The following KCNH5 variants were observed in gnomAD, a reference collection of about 807,000 sequenced individuals.
The protein encoded by KCNH5 is voltage-gated delayed rectifier potassium channel KCNH5.
In KCNH5, 46 loss-of-function variants were observed where a neutral mutation model predicts 96.1. That is an observed-to-expected ratio of 0.48 (90% CI 0.38 to 0.61). The LOEUF (loss-of-function observed/expected upper bound fraction) is 0.61, where lower values mean the gene tolerates loss of function less well. KCNH5 is among the 20% of genes least tolerant of loss of function. The probability of loss-of-function intolerance (pLI) is 0.00; values close to 1 mark genes in which losing one functional copy is unlikely to be tolerated. For missense variants in KCNH5, 907 were observed against 1,225.8 expected (o/e 0.74, Z 3.88); for synonymous variants, 439 against 449.8 (o/e 0.98, Z 0.30).
chr14:62,933,367 A>C (rs1566713103), intron 7 of KCNH5, among the ~76,000 whole-genome samples: 2 of 152,168 alleles, frequency 1.3e-5, no homozygotes, highest in Non-Finnish European at 2.9e-5. Context: ...ATAATAATGA[A>C]AACAGCTATT....
rs141894785 is a variant in KCNH5, at chr14:62,936,854, G to A, written c.1369+13279C>T. ...ACATTAGCCAGGCGTGGTGGCACAT[G>A]CCTGTAATCCCAGCTACTCAGGAGG... On this transcript the variant is annotated intron_variant, in intron 7 of 10. Transcript: ENST00000322893. 3.9e-3 allele frequency among the ~76,000 whole-genome samples: 588 copies of A among 151,794 alleles called. 3 individuals are homozygous for A. The highest frequency in any genetic ancestry group is 0.013 in the African/African-American group (530 of 41,408).
chr14:62,951,405 T>A (rs889414278), intron 6 of KCNH5, among the ~76,000 whole-genome samples: 1 of 152,182 alleles, frequency 6.6e-6, no homozygotes, highest in Non-Finnish European at 1.5e-5. Flanking sequence ...ATAAGTTCAT[T>A]CCTGATGCAG....
At chr14:62,924,555 A>T (rs1268744783) in intron 7 of KCNH5, among the ~76,000 whole-genome samples, 1 of 152,026 alleles carries the variant, frequency 6.6e-6, no homozygotes, top group African/African-American at 2.4e-5. Flanking sequence ...AATAGCCAAG[A>T]TATGGAATCA....
At chr14:62,775,983 G>T (rs1174683416) in intron 10 of KCNH5, among the ~76,000 whole-genome samples, 1 of 152,094 alleles carries the variant, frequency 6.6e-6, no homozygotes, top group Non-Finnish European at 1.5e-5. Flanking sequence ...AGGTAATAAA[G>T]TTGGGGCCAG....
chr14:62,853,368 TA>T (rs1191548243), intron 7 of KCNH5, among the ~76,000 whole-genome samples: 1 of 148,774 alleles, frequency 6.7e-6, no homozygotes, highest in Admixed American at 6.7e-5. Context: ...TAAAAAAGTA[TA>T]AAAAAAGAGT....
At chr14:62,843,440 C>G (rs1887626468) in intron 8 of KCNH5, among the ~76,000 whole-genome samples, 1 of 115,766 alleles carries the variant, frequency 8.6e-6, no homozygotes, top group South Asian at 2.9e-4. Flanking sequence ...TTGACAGTAT[C>G]TCACTCTGTT....
At chr14:62,996,407 A>G (rs907322088) in intron 4 of KCNH5, among the ~76,000 whole-genome samples, 3 of 152,208 alleles carry the variant, frequency 2.0e-5, no homozygotes, top group African/African-American at 7.2e-5. Context: ...CTGGCACTGG[A>G]AAGAGACCTT....
intron 1 of KCNH5, among the ~76,000 whole-genome samples, chr14:63,030,303 A>G (rs1891600986): frequency 6.6e-6 from 1 of 152,210 alleles, no homozygotes; most frequent in Non-Finnish European, 1.5e-5. Flanking sequence ...CCCCACCAGG[A>G]GGCAAGGATT....
intron 7 of KCNH5, among the ~76,000 whole-genome samples, chr14:62,923,429 C>T (rs971263871): frequency 1.3e-5 from 2 of 151,954 alleles, no homozygotes; most frequent in African/African-American, 4.8e-5. Flanking sequence ...CAATTCCTAT[C>T]AAGATTCCAA....
Position 62,725,022 on chromosome 14 carries a change from T to C in KCNH5, c.2020-16567A>G, listed in dbSNP as rs552401987. Among the ~76,000 whole-genome samples, 16 of 152,314 alleles carry C rather than the reference T, an allele frequency of 1.1e-4. No homozygotes were observed. The South Asian group carries it at 2.3e-3, about 22-fold the overall frequency. On this transcript the variant is annotated intron_variant, in intron 10 of 10. Coordinates refer to ENST00000322893, the MANE Select transcript of KCNH5 (RefSeq NM_139318.5). Reference sequence around the variant, plus strand: ...TTAAAGAGATTTGAGCTCTGTGCATTATTGAGGCATGAAAAATAATATTCT... The same window carrying C: ...TTAAAGAGATTTGAGCTCTGTGCATCATTGAGGCATGAAAAATAATATTCT...
chr14:62,977,171 G>C (rs888222638), intron 6 of KCNH5, among the ~76,000 whole-genome samples: 1 of 152,094 alleles, frequency 6.6e-6, no homozygotes, highest in African/African-American at 2.4e-5. Context: ...AGGAGTTCAA[G>C]ACCAGACTGG....
At chr14:62,870,786 A>G (rs1488154852) in intron 7 of KCNH5, among the ~76,000 whole-genome samples, 1 of 152,142 alleles carries the variant, frequency 6.6e-6, no homozygotes, top group Non-Finnish European at 1.5e-5. Context: ...CTTAACCTTA[A>G]AAAAAACTCT....
intron 10 of KCNH5, among the ~76,000 whole-genome samples, chr14:62,727,792 A>G (rs1296199698): frequency 1.3e-5 from 2 of 150,858 alleles, no homozygotes; most frequent in South Asian, 2.1e-4. Context: ...AAAAAAAAAA[A>G]GCAGGAGACT....
At chr14:62,919,123 C>T (rs1889332555) in intron 7 of KCNH5, among the ~76,000 whole-genome samples, 1 of 151,980 alleles carries the variant, frequency 6.6e-6, no homozygotes, top group South Asian at 2.1e-4. Flanking sequence ...TAGTTTCATA[C>T]ATAAAAATGC....
Position 62,742,038 on chromosome 14 carries a change from A to G in KCNH5, c.2020-33583T>C, listed in dbSNP as rs113023397. Among the ~76,000 whole-genome samples the G allele has an allele frequency of 2.1e-3, 318 of 152,242 alleles. 1 individual carries two copies. The highest frequency in any genetic ancestry group is 7.0e-3 in the African/African-American group (292 of 41,556). ...GTGAATCTCAGGTTTTTGGCTATAA[A>G]ATTGAACAGTAATATCTTCCTCAAA... On this transcript the variant is annotated intron_variant, in intron 10 of 10. Transcript: ENST00000322893.
intron 2 of KCNH5, among the ~76,000 whole-genome samples, chr14:63,009,847 T>G (rs1594673448): frequency 6.6e-6 from 1 of 152,292 alleles, no homozygotes; most frequent in East Asian, 1.9e-4. Flanking sequence ...TGACTGAAGC[T>G]CAATGCAGTC....
intron 10 of KCNH5, among the ~76,000 whole-genome samples, chr14:62,775,059 T>C (rs186544144): frequency 1.8e-3 from 281 of 152,348 alleles, no homozygotes; most frequent in African/African-American, 6.6e-3. Context: ...ACTATCATAA[T>C]TGTTAAATAG....
chr14:62,743,759 G>C (rs1161952739), intron 10 of KCNH5, among the ~76,000 whole-genome samples: 1 of 151,918 alleles, frequency 6.6e-6, no homozygotes, highest in Non-Finnish European at 1.5e-5. Context: ...CATATCTCTG[G>C]ATCTGTTCTA....
chr14:62,954,897 C>T (rs1334616616), intron 6 of KCNH5, among the ~76,000 whole-genome samples: 1 of 152,080 alleles, frequency 6.6e-6, no homozygotes, highest in Non-Finnish European at 1.5e-5. Context: ...GAGACTTATT[C>T]ACTACCACAA....
Sources: gnomAD v4.1 joint callset for allele counts (sites outside exome capture counted in the v4.1 genomes callset) on GRCh38, gnomAD v4.1.1 for gene constraint, MANE v1.5 for transcripts, NCBI Gene and HGNC (gene_info 2026-07-23, HGNC 2026-07-21) for gene names.